The following ABI3BP variants were observed in gnomAD, a reference collection of about 807,000 sequenced individuals.
The protein encoded by ABI3BP is ABI family member 3 binding protein.
A neutral mutation model predicts 268.6 loss-of-function variants in ABI3BP; 216 were observed. The observed-to-expected ratio is 0.80, with a 90% CI of 0.72 to 0.90. ABI3BP has a LOEUF of 0.90. ABI3BP is among the 40% of genes least tolerant of loss of function. The probability of loss-of-function intolerance (pLI) is 0.00; values close to 1 mark genes in which losing one functional copy is unlikely to be tolerated. For missense variants in ABI3BP, 2,090 were observed against 2,182.4 expected (o/e 0.96, Z 0.84); for synonymous variants, 730 against 730.0 (o/e 1.00, Z 0.00).
intron 4 of ABI3BP, among the ~76,000 whole-genome samples, chr3:100,890,662 G>A (rs1436132782): frequency 1.3e-5 from 2 of 152,064 alleles, no homozygotes; most frequent in Non-Finnish European, 2.9e-5. Flanking sequence ...CACTCAAAAT[G>A]TCTCTATTTC....
chr3:100,891,650 G>A (rs1403049747), intron 4 of ABI3BP, among the ~76,000 whole-genome samples: 1 of 152,198 alleles, frequency 6.6e-6, no homozygotes, highest in East Asian at 1.9e-4. Context: ...TGCCATCCCT[G>A]GAGATGCTCA....
At chr3:100,761,770 C>T (rs967265246) in intron 63 of ABI3BP, among the ~76,000 whole-genome samples, 14 of 152,290 alleles carry the variant, frequency 9.2e-5, no homozygotes, top group Admixed American at 5.9e-4. Context: ...AGTGTTGTAA[C>T]GTGAAGCTCT....
chr3:100,819,963 A>G (rs976563514), intron 40 of ABI3BP, among the ~76,000 whole-genome samples: 6 of 150,480 alleles, frequency 4.0e-5, no homozygotes. Context: ...AAAAAAAAAA[A>G]AAAAAAGAAA....
intron 55 of ABI3BP, among the ~76,000 whole-genome samples, chr3:100,790,411 A>G (rs1164698813): frequency 6.6e-6 from 1 of 152,002 alleles, no homozygotes; most frequent in Non-Finnish European, 1.5e-5. Flanking sequence ...CAAACTTTGT[A>G]AGTAGATTAC....
intron 1 of ABI3BP, among the ~76,000 whole-genome samples, chr3:100,963,617 ATTTCGATGTAGT>A (rs949266858): frequency 6.6e-6 from 1 of 152,178 alleles, no homozygotes; most frequent in Non-Finnish European, 1.5e-5. Flanking sequence ...GCGACTAATA[ATTTCGATGTAGT>A]TGACCCTCCA....
At chr3:100,984,935 C>T (rs1405366629) in intron 1 of ABI3BP, among the ~76,000 whole-genome samples, 1 of 151,958 alleles carries the variant, frequency 6.6e-6, no homozygotes, top group Admixed American at 6.6e-5. Context: ...CTGTGTACAA[C>T]CTAAATTTTC....
intron 14 of ABI3BP, among the ~76,000 whole-genome samples, chr3:100,856,089 C>G (rs559236844): frequency 6.6e-6 from 1 of 152,196 alleles, no homozygotes; most frequent in Non-Finnish European, 1.5e-5. Context: ...CCTACTCCTT[C>G]GTTTTCTCCT....
chr3:100,860,837 T>TC (rs2098989967), intron 14 of ABI3BP, among the ~76,000 whole-genome samples: 1 of 151,986 alleles, frequency 6.6e-6, no homozygotes, highest in Admixed American at 6.6e-5. Flanking sequence ...AGTCCCTAAA[T>TC]CCCCAAAGGC....
At chr3:100,773,425 A>G (rs2096609015) in intron 61 of ABI3BP, among the ~76,000 whole-genome samples, 1 of 152,228 alleles carries the variant, frequency 6.6e-6, no homozygotes, top group Non-Finnish European at 1.5e-5. Context: ...CACACCTATT[A>G]AAATGGCTAA....
intron 2 of ABI3BP, among the ~76,000 whole-genome samples, chr3:100,905,788 G>A (rs982780202): frequency 4.0e-5 from 6 of 151,860 alleles, no homozygotes; most frequent in African/African-American, 1.5e-4. Flanking sequence ...ACAATATAAA[G>A]ATATAAAGTA....
At chr3:100,962,053 T>C (rs2079329403) in intron 1 of ABI3BP, among the ~76,000 whole-genome samples, 1 of 152,168 alleles carries the variant, frequency 6.6e-6, no homozygotes, top group African/African-American at 2.4e-5. Flanking sequence ...GGGTAGATGG[T>C]ATAAGTATAA....
At chr3:100,830,548 C>T in intron 32 of ABI3BP, 30 bp downstream of exon 32, 2 of 1,524,986 alleles carry the variant, frequency 1.3e-6, no homozygotes, top group Non-Finnish European at 1.8e-6. Context: ...GCAGGAGAGG[C>T]AGATGTTGAT....
chr3:100,843,355 T>G (rs1288136217), intron 20 of ABI3BP, among the ~76,000 whole-genome samples: 1 of 151,940 alleles, frequency 6.6e-6, no homozygotes, highest in Non-Finnish European at 1.5e-5. Flanking sequence ...GCAAAAGCAG[T>G]AGTGATGTGT....
intron 2 of ABI3BP, among the ~76,000 whole-genome samples, chr3:100,925,902 T>C: frequency 6.6e-6 from 1 of 152,214 alleles, no homozygotes; most frequent in Non-Finnish European, 1.5e-5. Context: ...TTTAAAAATA[T>C]AATACTTTTT....
At chr3:100,898,946 C>A in intron 3 of ABI3BP, 52 bp from the exon 4 acceptor site, 1 of 1,525,736 alleles carries the variant, frequency 6.6e-7, no homozygotes, top group South Asian at 1.3e-5. Flanking sequence ...AGTAAGTTGC[C>A]ATGATTCGGG....
chr3:100,952,174 C>T (rs947323466), intron 1 of ABI3BP, among the ~76,000 whole-genome samples: 22 of 152,128 alleles, frequency 1.4e-4, no homozygotes, highest in African/African-American at 4.1e-4. Flanking sequence ...TCCAGATCAA[C>T]TCATCTCAAG....
intron 63 of ABI3BP, among the ~76,000 whole-genome samples, chr3:100,755,676 A>C (rs993051654): frequency 6.6e-6 from 1 of 152,258 alleles, no homozygotes; most frequent in Admixed American, 6.5e-5. Context: ...ATGTAAGCAA[A>C]GCAAATCTTT....
chr3:100,932,616 G>A (rs929083103), intron 1 of ABI3BP, among the ~76,000 whole-genome samples: 1 of 151,992 alleles, frequency 6.6e-6, no homozygotes, highest in African/African-American at 2.4e-5. Flanking sequence ...ATCACTAATC[G>A]TTACAGAAAT....
At chr3:100,823,899 T>C (rs1204977765) in intron 36 of ABI3BP, among the ~76,000 whole-genome samples, 2 of 152,194 alleles carry the variant, frequency 1.3e-5, no homozygotes, top group Non-Finnish European at 2.9e-5. Flanking sequence ...TTATTACATA[T>C]AAGTAAACAT....
Sources: allele counts gnomAD v4.1 joint callset (sites outside exome capture counted in the v4.1 genomes callset), GRCh38; gene constraint gnomAD v4.1.1; transcripts MANE v1.5; gene names NCBI Gene and HGNC (gene_info 2026-07-23, HGNC 2026-07-21).